Variants in CNTNAP5 observed in about 807,000 individuals in gnomAD.
The protein encoded by CNTNAP5 is contactin-associated protein-like 5.
Under a neutral mutation model 150.2 loss-of-function variants are expected in CNTNAP5, and 72 were observed. The observed-to-expected ratio is 0.48, with a 90% confidence interval of 0.40 to 0.58. The LOEUF (loss-of-function observed/expected upper bound fraction) is 0.58, where lower values mean the gene tolerates loss of function less well. Ranked by LOEUF, CNTNAP5 falls within the 20% of genes least tolerant of loss-of-function variation. CNTNAP5 has a pLI of 0.00. For synonymous variants in CNTNAP5, 672 were observed against 619.8 expected (o/e 1.08, Z -1.25); for missense variants, 1,636 against 1,626.2 (o/e 1.01, Z -0.10).
At position 124,342,438 on chromosome 2, in the gene CNTNAP5, G is replaced by T. The variant is rs555810848; in HGVS notation, c.382-75005G>T. Among the ~76,000 whole-genome samples the T allele has an allele frequency of 7.9e-5, 12 of 152,206 alleles. No homozygotes were observed. In the East Asian group the frequency reaches 2.3e-3, roughly 29 times the overall value. On this transcript the variant is annotated intron_variant, in intron 3 of 23. Coordinates refer to ENST00000682447, the MANE Select transcript of CNTNAP5 (RefSeq NM_001367498.1). ...TACCAGCATGGCAGCCCCGTGAACC[G>T]TGTATTCATAGTACTAGACCAGTTT... is the stretch of plus-strand genomic sequence containing the variant.
intron 3 of CNTNAP5, among the ~76,000 whole-genome samples, chr2:124,265,026 C>T (rs2104605980): frequency 6.6e-6 from 1 of 152,318 alleles, no homozygotes; most frequent in Admixed American, 6.5e-5. Flanking sequence ...GCTGTTCTCA[C>T]CCATAAATGG....
intron 1 of CNTNAP5, 112 bp downstream of exon 1, chr2:124,025,844 G>GA (rs1277903433): frequency 9.3e-5 from 85 of 909,500 alleles, no homozygotes; most frequent in Middle Eastern, 9.0e-4. Flanking sequence ...AAAGGAAACG[G>GA]AAAAAAAATG....
At chr2:124,357,933 C>G (rs1403298981) in intron 3 of CNTNAP5, among the ~76,000 whole-genome samples, 1 of 150,568 alleles carries the variant, frequency 6.6e-6, no homozygotes, top group African/African-American at 2.4e-5. Context: ...TTCTTCCTAC[C>G]CATGAGCATG....
chr2:124,260,546 A>G (rs544401838), intron 3 of CNTNAP5, among the ~76,000 whole-genome samples: 1 of 152,384 alleles, frequency 6.6e-6, no homozygotes, highest in East Asian at 1.9e-4. Context: ...GAGCTTCTGC[A>G]CAGCCAAAGA....
intron 3 of CNTNAP5, among the ~76,000 whole-genome samples, chr2:124,252,466 G>A (rs1290828833): frequency 6.6e-6 from 1 of 152,150 alleles, no homozygotes; most frequent in East Asian, 1.9e-4. Flanking sequence ...GCCCAGCAGA[G>A]TCCAGGCCAT....
chr2:124,656,979 G>A (rs1214567844), intron 13 of CNTNAP5, among the ~76,000 whole-genome samples: 1 of 152,190 alleles, frequency 6.6e-6, no homozygotes, highest in Non-Finnish European at 1.5e-5. Context: ...TTTCTTATGT[G>A]TGACATTTAA....
chr2:124,558,549 G>A (rs72845227), intron 10 of CNTNAP5, among the ~76,000 whole-genome samples: 27,818 of 152,178 alleles, frequency 0.18, 3,322 homozygotes, highest in Non-Finnish European at 0.26. Flanking sequence ...GTGTGTAGCC[G>A]TGAGATTTGC....
intron 1 of CNTNAP5, among the ~76,000 whole-genome samples, chr2:124,070,155 T>C (rs1291285274): frequency 1.3e-5 from 2 of 151,950 alleles, no homozygotes; most frequent in Admixed American, 6.6e-5. Context: ...GTAAGTCTCA[T>C]GATAATCTTA....
At chr2:124,523,197 C>T (rs2104885510) in intron 8 of CNTNAP5, among the ~76,000 whole-genome samples, 1 of 152,268 alleles carries the variant, frequency 6.6e-6, no homozygotes, top group South Asian at 2.1e-4. Context: ...ATGAACTATT[C>T]TGCATACACT....
At position 124,251,573 on chromosome 2, in the gene CNTNAP5, G is replaced by A. The variant is rs189101619; in HGVS notation, c.381+9180G>A. Among the ~76,000 whole-genome samples, 285 of 151,882 alleles carry A rather than the reference G, an allele frequency of 1.9e-3. 1 individual carries two copies. Among genetic ancestry groups the A allele is most frequent in the Non-Finnish European group, 3.5e-3 (237 of 67,982 alleles). ...CCTGCCTTATCTGACTGTAATTTAG[G>A]GTATCAAGCATCTGTTAGGCACATT... On this transcript the variant is annotated intron_variant, in intron 3 of 23. Transcript: ENST00000682447.
intron 1 of CNTNAP5, among the ~76,000 whole-genome samples, chr2:124,149,955 T>C (rs1443839048): frequency 6.6e-6 from 1 of 152,176 alleles, no homozygotes; most frequent in Non-Finnish European, 1.5e-5. Context: ...ACTGCTGCTT[T>C]TTGTTAACAT....
At chr2:124,796,575 A>G (rs947879115) in intron 18 of CNTNAP5, among the ~76,000 whole-genome samples, 1 of 152,346 alleles carries the variant, frequency 6.6e-6, no homozygotes, top group African/African-American at 2.4e-5. Flanking sequence ...AGTATTCTCA[A>G]TCTGCTAGGC....
chr2:124,913,471 A>C (rs1455655632), intron 23 of CNTNAP5, among the ~76,000 whole-genome samples: 1 of 152,080 alleles, frequency 6.6e-6, no homozygotes, highest in Non-Finnish European at 1.5e-5. Flanking sequence ...TTGCCATCTC[A>C]GTTGACTTTG....
intron 17 of CNTNAP5, among the ~76,000 whole-genome samples, chr2:124,786,944 G>C (rs531183407): frequency 3.9e-5 from 6 of 152,262 alleles, no homozygotes; most frequent in Non-Finnish European, 8.8e-5. Context: ...GTGCAATTGA[G>C]TTCATAACTC....
intron 6 of CNTNAP5, among the ~76,000 whole-genome samples, chr2:124,464,294 A>G (rs1210620930): frequency 1.3e-5 from 2 of 152,060 alleles, no homozygotes; most frequent in African/African-American, 4.8e-5. Context: ...CTCTTACTCA[A>G]TGCTGGGCTG....
chr2:124,264,371 C>T (rs1687544271), intron 3 of CNTNAP5, among the ~76,000 whole-genome samples: 1 of 54,688 alleles, frequency 1.8e-5, no homozygotes, highest in Non-Finnish European at 3.5e-5. Context: ...CCCACACACA[C>T]AGGCACACAC....
At chr2:124,445,081 CTTTT>C (rs1006938474) in intron 5 of CNTNAP5, among the ~76,000 whole-genome samples, 2 of 131,810 alleles carry the variant, frequency 1.5e-5, no homozygotes, top group Admixed American at 7.8e-5. Flanking sequence ...ACACAAATAT[CTTTT>C]TTTTTTTTTT....
chr2:124,638,642 G>A (rs1193245565), intron 12 of CNTNAP5, among the ~76,000 whole-genome samples: 1 of 152,122 alleles, frequency 6.6e-6, no homozygotes, highest in African/African-American at 2.4e-5. Flanking sequence ...GCTGATCAGA[G>A]ACATTTTGCT....
chr2:124,902,154 A>G (rs1223015326), intron 21 of CNTNAP5, among the ~76,000 whole-genome samples: 4 of 152,196 alleles, frequency 2.6e-5, no homozygotes, highest in East Asian at 3.9e-4. Flanking sequence ...GAAATGGAAT[A>G]CTGAGTAATC....
Sources: allele counts gnomAD v4.1 joint callset (sites outside exome capture counted in the v4.1 genomes callset), GRCh38; gene constraint gnomAD v4.1.1; transcripts MANE v1.5; gene names NCBI Gene and HGNC (gene_info 2026-07-23, HGNC 2026-07-21).